Variants in EYS observed in about 807,000 individuals in gnomAD.
EYS encodes protein eyes shut homolog.
EYS carries 250 observed loss-of-function variants against 282.1 expected under a neutral mutation model. The ratio of observed to expected loss-of-function variants is 0.89; its 90% CI spans 0.80 to 0.98. The LOEUF (loss-of-function observed/expected upper bound fraction) is 0.98, where lower values mean the gene tolerates loss of function less well. EYS is among the 50% of genes least tolerant of loss of function. The probability of loss-of-function intolerance (pLI) is 0.00; values close to 1 mark genes in which losing one functional copy is unlikely to be tolerated. For synonymous variants in EYS, 1,355 were observed against 1,282.9 expected, an observed-to-expected ratio of 1.06 and a Z score of -1.20; for missense variants, 4,016 against 3,709.0, an observed-to-expected ratio of 1.08 and a Z score of -2.15.
At chr6:65,598,826 T>C (rs1481140309) in intron 2 of EYS, among the ~76,000 whole-genome samples, 2 of 152,102 alleles carry the variant, frequency 1.3e-5, no homozygotes, top group African/African-American at 2.4e-5. Flanking sequence ...TAAGTCTTTA[T>C]CCTTGAACGT....
rs151087372 is a variant in EYS, at chr6:64,727,122, G to A, written c.3443+86256C>T. On this transcript the variant is annotated intron_variant, in intron 22 of 42. Coordinates refer to ENST00000503581, the MANE Select transcript of EYS (RefSeq NM_001142800.2). ...TGTTTTGTACATATAATTTTTAATT[G>A]CCAACAAATGTAAATAAATAATTTG... 9.1e-3 allele frequency among the ~76,000 whole-genome samples: 1,392 copies of A among 152,218 alleles called. 28 individuals are homozygous for A. The highest frequency in any genetic ancestry group is 0.031 in the African/African-American group (1,308 of 41,536).
At chr6:65,682,339 T>C (rs940425101) in intron 1 of EYS, among the ~76,000 whole-genome samples, 1 of 151,912 alleles carries the variant, frequency 6.6e-6, no homozygotes, top group African/African-American at 2.4e-5. Flanking sequence ...ACATGGTATT[T>C]ATTATCCTGA....
At chr6:64,754,870 A>G (rs543425165) in intron 22 of EYS, among the ~76,000 whole-genome samples, 9 of 152,272 alleles carry the variant, frequency 5.9e-5, no homozygotes, top group Non-Finnish European at 7.4e-5. Context: ...ATTCCCCCTA[A>G]GATACTGGAG....
intron 22 of EYS, among the ~76,000 whole-genome samples, chr6:64,728,606 A>T (rs1771847423): frequency 6.6e-6 from 1 of 152,068 alleles, no homozygotes; most frequent in Non-Finnish European, 1.5e-5. Flanking sequence ...GAGTGCTGAG[A>T]TTATAGGTGT....
In EYS at chr6:65,118,799, G is replaced by T. The variant is rs540045111; in HGVS notation, c.2024-61072C>A. On this transcript the variant is annotated intron_variant, in intron 12 of 42. Transcript: ENST00000503581. Reference sequence around the variant, plus strand: ...CTTTGTGACAAATGGATCACTAGAAGGCAGAAATTGTAGTGGGGTGACCAG... The same window carrying T: ...CTTTGTGACAAATGGATCACTAGAATGCAGAAATTGTAGTGGGGTGACCAG... 2.6e-5 allele frequency among the ~76,000 whole-genome samples: 4 copies of T among 151,670 alleles called. No homozygotes were observed. In the South Asian group the frequency reaches 8.3e-4, roughly 32 times the overall value.
intron 8 of EYS, among the ~76,000 whole-genome samples, chr6:65,356,640 A>C (rs1291409977): frequency 2.6e-5 from 4 of 152,068 alleles, no homozygotes; most frequent in Admixed American, 2.6e-4. Flanking sequence ...ATACTGAATA[A>C]GGACACTATG....
chr6:64,526,067 G>C (rs1777908271), intron 26 of EYS, among the ~76,000 whole-genome samples: 1 of 151,818 alleles, frequency 6.6e-6, no homozygotes, highest in Non-Finnish European at 1.5e-5. Context: ...ATTATGCTAA[G>C]TGAAAAAAGC....
intron 16 of EYS, among the ~76,000 whole-genome samples, chr6:64,904,123 CAAT>C (rs769931209): frequency 8.5e-5 from 13 of 152,048 alleles, no homozygotes; most frequent in Non-Finnish European, 1.5e-4. Flanking sequence ...AACATAACAA[CAAT>C]GATAGGTTAA....
intron 20 of EYS, among the ~76,000 whole-genome samples, chr6:64,822,204 A>G (rs1764919657): frequency 6.6e-6 from 1 of 152,068 alleles, no homozygotes; most frequent in African/African-American, 2.4e-5. Context: ...TATTTTATCC[A>G]TGATCAGAGC....
intron 5 of EYS, among the ~76,000 whole-genome samples, chr6:65,407,457 T>C (rs908321666): frequency 2.0e-5 from 3 of 152,100 alleles, no homozygotes; most frequent in African/African-American, 7.2e-5. Context: ...GGTTTCATTA[T>C]GTTGGCCAGG....
At chr6:65,650,982 T>C (rs1218043721) in intron 1 of EYS, among the ~76,000 whole-genome samples, 2 of 152,072 alleles carry the variant, frequency 1.3e-5, no homozygotes, top group East Asian at 3.8e-4. Context: ...TGCAAGAAAA[T>C]GGGACTGAAT....
chr6:64,138,560 T>C (rs1774238010), intron 31 of EYS, among the ~76,000 whole-genome samples: 2 of 152,184 alleles, frequency 1.3e-5, no homozygotes, highest in African/African-American at 2.4e-5. Flanking sequence ...ATACTTCTTA[T>C]GGCTTCTGTT....
chr6:65,699,843 G>A (rs1202840786), intron 1 of EYS, among the ~76,000 whole-genome samples: 3 of 151,998 alleles, frequency 2.0e-5, no homozygotes, highest in South Asian at 2.1e-4. Flanking sequence ...GGCCGGGCGC[G>A]GTGGCTCACG....
intron 14 of EYS, among the ~76,000 whole-genome samples, chr6:64,961,301 A>C (rs537530408): frequency 6.6e-6 from 1 of 152,270 alleles, no homozygotes; most frequent in Admixed American, 6.5e-5. Context: ...TGTTTCCCAA[A>C]GGAACATTTT....
intron 28 of EYS, among the ~76,000 whole-genome samples, chr6:64,404,965 T>A (rs1773660112): frequency 1.3e-5 from 2 of 152,018 alleles, no homozygotes; most frequent in Non-Finnish European, 2.9e-5. Context: ...TAACTTTTTT[T>A]AACACTCTTA....
chr6:63,773,852 G>A (rs1769994482), intron 40 of EYS, among the ~76,000 whole-genome samples: 1 of 152,154 alleles, frequency 6.6e-6, no homozygotes, highest in Admixed American at 6.5e-5. Flanking sequence ...TTGGGTTCTA[G>A]GGGTTTGTAA....
intron 31 of EYS, among the ~76,000 whole-genome samples, chr6:64,086,647 C>T (rs1235283151): frequency 6.6e-6 from 1 of 152,158 alleles, no homozygotes; most frequent in African/African-American, 2.4e-5. Flanking sequence ...CAAATTTGAA[C>T]TCCTCAAAGC....
At chr6:65,476,316 A>G (rs1765403924) in intron 5 of EYS, among the ~76,000 whole-genome samples, 1 of 152,196 alleles carries the variant, frequency 6.6e-6, no homozygotes, top group African/African-American at 2.4e-5. Flanking sequence ...ACTAACAAAT[A>G]CTAATAGAAT....
intron 35 of EYS, among the ~76,000 whole-genome samples, chr6:63,914,456 C>T (rs555593032): frequency 2.6e-5 from 4 of 152,218 alleles, no homozygotes; most frequent in East Asian, 1.9e-4. Context: ...CGCCTGTAAT[C>T]CCAGGACTTT....
Sources: allele counts gnomAD v4.1 joint callset (sites outside exome capture counted in the v4.1 genomes callset), GRCh38; gene constraint gnomAD v4.1.1; transcripts MANE v1.5; gene names NCBI Gene and HGNC (gene_info 2026-07-23, HGNC 2026-07-21).